The following CD163L1 variants were observed in gnomAD, a reference collection of about 807,000 sequenced individuals.
The protein encoded by CD163L1 is scavenger receptor cysteine-rich type 1 protein M160.
CD163L1 carries 124 observed loss-of-function variants against 165.4 expected under a neutral mutation model. The ratio of observed to expected loss-of-function variants is 0.75; its 90% confidence interval spans 0.65 to 0.87. CD163L1 has a LOEUF of 0.87. Among genes scored for constraint, CD163L1 ranks in the 40% least tolerant of loss-of-function variants. The pLI is 0.00. For missense variants in CD163L1, 1,525 were observed against 1,799.9 expected (o/e 0.85, Z 2.76); for synonymous variants, 585 against 662.2 (o/e 0.88, Z 1.79).
chr12:7,337,771 G>T, the CD163L1 span, among the ~76,000 whole-genome samples: 2 of 152,152 alleles, frequency 1.3e-5, no homozygotes, highest in African/African-American at 4.8e-5. Context: ...ATTCCTCAAG[G>T]ATCTAGAACC....
intron 4 of CD163L1, among the ~76,000 whole-genome samples, chr12:7,416,777 A>G (rs1042240251): frequency 6.6e-6 from 1 of 152,008 alleles, no homozygotes; most frequent in Admixed American, 6.6e-5. Context: ...ATTGGTCTAT[A>G]TATCTGTTTT....
chr12:7,428,555 A>C (rs1948581407), intron 4 of CD163L1, among the ~76,000 whole-genome samples: 1 of 151,998 alleles, frequency 6.6e-6, no homozygotes, highest in South Asian at 2.1e-4. Context: ...TCCCACTGTA[A>C]GCCAGTATTT....
intron 4 of CD163L1, among the ~76,000 whole-genome samples, chr12:7,408,160 T>C (rs1469606893): frequency 1.3e-5 from 2 of 151,948 alleles, no homozygotes; most frequent in Non-Finnish European, 2.9e-5. Context: ...CTCTCTCCAA[T>C]TGCTTGTTTT....
chr12:7,431,048 T>A (rs1295831796), intron 4 of CD163L1, among the ~76,000 whole-genome samples: 1 of 152,156 alleles, frequency 6.6e-6, no homozygotes, highest in Non-Finnish European at 1.5e-5. Flanking sequence ...GAGAGGTCGT[T>A]GCTTTCCGTA....
intron 8 of CD163L1, among the ~76,000 whole-genome samples, chr12:7,380,355 G>GTGTATACGCGTATACATACATGTATGTT (rs1947365697): frequency 6.9e-6 from 1 of 145,104 alleles, no homozygotes. Context: ...ACATGTATGT[G>GTGTATACGCGTATACATACATGTATGTT]TGTATACGCG....
the CD163L1 span, among the ~76,000 whole-genome samples, chr12:7,326,518 A>C: frequency 1.3e-5 from 2 of 152,038 alleles, no homozygotes; most frequent in Non-Finnish European, 2.9e-5. Context: ...CCCTTTCCTG[A>C]GATTTGATCT....
Position 7,368,975 on chromosome 12 carries a change from A to T in CD163L1, c.4040-10T>A. Reference sequence around the variant, plus strand: ...GATTTCAGCGACTGTCCTGAGAGAGAGAGAGAGAGAGAGAGACGTAAATGA... The same window carrying T: ...GATTTCAGCGACTGTCCTGAGAGAGTGAGAGAGAGAGAGAGACGTAAATGA... On this transcript the variant is annotated splice_polypyrimidine_tract_variant and intron_variant, in intron 15 of 19. Transcript: ENST00000313599. The surrounding 1 kb of genome is among the most constrained non-coding windows in gnomAD (Gnocchi z 4.3). 3 of 1,608,868 alleles carry T rather than the reference A, an allele frequency of 1.9e-6. No individual in the cohort carries two copies. The highest frequency in any genetic ancestry group is 2.6e-6 in the Non-Finnish European group (3 of 1,176,116).
the CD163L1 span, among the ~76,000 whole-genome samples, chr12:7,332,068 C>T: frequency 6.6e-6 from 1 of 152,030 alleles, no homozygotes; most frequent in Non-Finnish European, 1.5e-5. Context: ...CTAGAATAAC[C>T]AATGCAGAGA....
intron 18 of CD163L1, among the ~76,000 whole-genome samples, 152 bp downstream of exon 18, chr12:7,367,079 ATATTT>A (rs766275633): frequency 3.5e-4 from 54 of 152,332 alleles, no homozygotes; most frequent in Non-Finnish European, 5.9e-4. Context: ...ATTTTGAGTC[ATATTT>A]TATTTTATCT....
the CD163L1 span, among the ~76,000 whole-genome samples, chr12:7,341,537 T>C: frequency 6.6e-5 from 10 of 152,358 alleles, no homozygotes; most frequent in African/African-American, 2.4e-4. Context: ...CTAAGTGTTT[T>C]ATGATGTACA....
At position 7,374,862 on chromosome 12, in the gene CD163L1, T is replaced by G; in HGVS notation, c.3063A>C (p.Ala1021=). 1 of 1,614,186 alleles carries G rather than the reference T, an allele frequency of 6.2e-7. No individual in the cohort carries two copies. The highest frequency in any genetic ancestry group is 8.5e-7 in the Non-Finnish European group (1 of 1,180,016). The change falls in exon 12 of 20, where the codon GCA becomes GCC. Residue 1021 remains alanine, a synonymous_variant. Coordinates refer to ENST00000313599, the MANE Select transcript of CD163L1 (RefSeq NM_174941.6). The surrounding 1 kb of genome is among the most constrained non-coding windows in gnomAD (Gnocchi z 5.4). ...LANVSDPYLS[A]VPEGSALICL... is the part of the protein sequence containing the mutation. ...AGATCAAAGCACTGCCCTCTGGAAC[T>G]GCAGACAAATATGGGTCAGATACAT...
At chr12:7,325,634 C>T in the CD163L1 span, among the ~76,000 whole-genome samples, 1 of 152,138 alleles carries the variant, frequency 6.6e-6, no homozygotes, top group East Asian at 1.9e-4. Context: ...ACAACAGAGA[C>T]AGACTCTGTC....
At chr12:7,327,889 C>A in the CD163L1 span, among the ~76,000 whole-genome samples, 26 of 152,146 alleles carry the variant, frequency 1.7e-4, no homozygotes, top group Non-Finnish European at 2.4e-4. Flanking sequence ...TGTATATACT[C>A]CAAATTATCC....
In CD163L1 at chr12:7,432,303, G is replaced by A. The variant is rs1948642927; in HGVS notation, c.766+113C>T. On this transcript the variant is annotated intron_variant, in intron 4 of 19. Transcript: ENST00000313599. This position sits in a 1 kb window ranked among gnomAD's most constrained non-coding sequence, Gnocchi z 4.2. ...GGAGCAATTTCAGGGTAACAAAAAT[G>A]TGTTATAACCAGAGAAAATTCTTCT... 1.3e-6 allele frequency: 1 copy of A among 780,624 alleles called. No individual in the cohort carries two copies. The highest frequency in any genetic ancestry group is 1.7e-5 in the African/African-American group (1 of 57,390). 48.4% of individuals were successfully genotyped at this position (780,624 alleles called of 1,614,324 possible). A position where few individuals can be genotyped will look rare whatever the true frequency, so the allele number is the denominator to read the frequency against.
Position 7,396,178 on chromosome 12 carries a change from T to C in CD163L1, c.1967A>G (p.Glu656Gly). 1 of 1,614,178 alleles carries C rather than the reference T, an allele frequency of 6.2e-7. No homozygotes were observed. Residue 656 changes from glutamate (E) to glycine (G), a missense_variant, in exon 8 of 20, where the codon GAG becomes GGG. Physicochemically the swap from Glu to Gly is moderately conservative, Grantham distance 98. Transcript: ENST00000313599. ...GTTCCTGCATGACCAGAGATCTGAC[T>C]CATCTCCATCACAGGAAACATCATC... is the stretch of plus-strand genomic sequence containing the variant. ...WLDDVSCDGD[E>G]SDLWSCRNSG...
chr12:7,439,859 C>T (rs773045055), intron 2 of CD163L1: 265 of 1,611,978 alleles, frequency 1.6e-4, no homozygotes, highest in Middle Eastern at 5.0e-4. Context: ...GCCTCCGCTC[C>T]TCTCGCGGCT....
intron 17 of CD163L1, 151 bp from the exon 18 acceptor site, chr12:7,367,482 A>G: frequency 2.0e-6 from 1 of 488,808 alleles, no homozygotes; most frequent in African/African-American, 1.9e-5. Context: ...TGAATTTTTT[A>G]CATTTTTAAA....
the CD163L1 span, chr12:7,328,282 A>G: frequency 2.5e-6 from 4 of 1,574,800 alleles, no homozygotes; most frequent in African/African-American, 2.7e-5. Flanking sequence ...TTTTCTGTCA[A>G]TTAGGTGGAA....
chr12:7,330,252 T>C, the CD163L1 span, among the ~76,000 whole-genome samples: 1 of 152,218 alleles, frequency 6.6e-6, no homozygotes, highest in South Asian at 2.1e-4. Context: ...TAAAAATATA[T>C]TCCTATGTTC....
Sources: gnomAD v4.1 joint callset for allele counts (sites outside exome capture counted in the v4.1 genomes callset) on GRCh38, gnomAD v4.1.1 for gene constraint, Gnocchi (gnomAD v3.1) non-coding constraint, MANE v1.5 for transcripts, NCBI Gene and HGNC (gene_info 2026-07-23, HGNC 2026-07-21) for gene names.